The following BIRC6 variants were observed in gnomAD, a reference collection of about 807,000 sequenced individuals.
BIRC6 encodes the protein baculoviral IAP repeat containing 6.
A neutral mutation model predicts 503.3 loss-of-function variants in BIRC6; 98 were observed. The ratio of observed to expected loss-of-function variants is 0.19; its 90% CI spans 0.17 to 0.23. BIRC6 has a LOEUF of 0.23. BIRC6 is among the 10% of genes least tolerant of loss of function. The pLI, the probability that BIRC6 is intolerant of heterozygous loss-of-function variation, is 1.00. For missense variants in BIRC6, 5,360 were observed against 5,806.0 expected, an observed-to-expected ratio of 0.92 and a Z score of 2.50; for synonymous variants, 2,240 against 2,078.7, an observed-to-expected ratio of 1.08 and a Z score of -2.11.
At chr2:32,587,049 A>G (rs1443588099) in intron 66 of BIRC6, among the ~76,000 whole-genome samples, 1 of 152,218 alleles carries the variant, frequency 6.6e-6, no homozygotes, top group Non-Finnish European at 1.5e-5. Context: ...TAAAAATCAG[A>G]GCATGGAGCT....
chr2:32,362,367 G>A lies in BIRC6; in HGVS notation c.325+4881G>A, dbSNP rs147835774. ...GTCTCGCTCTGTCGCCCAGGCTGGA[G>A]TGCAGTGGTGTGATCTCGGCTCACT... is the stretch of plus-strand genomic sequence containing the variant. On this transcript the variant is annotated intron_variant, in intron 1 of 73. Coordinates refer to ENST00000421745, the MANE Select transcript of BIRC6 (RefSeq NM_016252.4). 9.3e-3 allele frequency among the ~76,000 whole-genome samples: 1,398 copies of A among 150,366 alleles called. 20 individuals carry two copies. The highest frequency in any genetic ancestry group is 0.032 in the African/African-American group (1,303 of 40,828).
intron 21 of BIRC6, among the ~76,000 whole-genome samples, chr2:32,447,468 C>T (rs1452295697): frequency 1.1e-3 from 142 of 126,620 alleles, no homozygotes; most frequent in African/African-American, 3.1e-3. Flanking sequence ...GGCGGCTGGC[C>T]GGGCGGGGGG....
At chr2:32,450,147 A>T (rs570882192) in intron 22 of BIRC6, among the ~76,000 whole-genome samples, 2 of 152,334 alleles carry the variant, frequency 1.3e-5, no homozygotes, top group African/African-American at 4.8e-5. Context: ...TCAAGTTTGC[A>T]AATGAGTAAA....
chr2:32,596,860 G>T (rs2061710444), intron 68 of BIRC6, among the ~76,000 whole-genome samples: 1 of 152,158 alleles, frequency 6.6e-6, no homozygotes, highest in African/African-American at 2.4e-5. Context: ...GTATATGAAT[G>T]TGTTTATGGA....
At chr2:32,527,364 A>G (rs1340762537) in intron 59 of BIRC6, 1 of 152,238 alleles carries the variant, frequency 6.6e-6, no homozygotes, top group Non-Finnish European at 1.5e-5. Flanking sequence ...TGTTTATGCC[A>G]TGTACTTTCC....
At chr2:32,358,895 T>G (rs2033618088) in intron 1 of BIRC6, among the ~76,000 whole-genome samples, 1 of 152,242 alleles carries the variant, frequency 6.6e-6, no homozygotes, top group African/African-American at 2.4e-5. Flanking sequence ...TTACTGCAAC[T>G]TGGACATAAT....
chr2:32,453,776 C>A (rs1297323935), intron 22 of BIRC6, 32 bp from the exon 23 acceptor site: 3 of 1,602,802 alleles, frequency 1.9e-6, no homozygotes, highest in Non-Finnish European at 2.6e-6. Flanking sequence ...AAATTATCTT[C>A]ACGTGTTATA....
intron 9 of BIRC6, among the ~76,000 whole-genome samples, chr2:32,414,044 C>T (rs1239673509): frequency 1.3e-5 from 2 of 152,094 alleles, no homozygotes; most frequent in Non-Finnish European, 2.9e-5. Flanking sequence ...GTAATCCCAG[C>T]ACTTTGAGAG....
At chr2:32,547,126 T>C (rs932510522) in intron 63 of BIRC6, among the ~76,000 whole-genome samples, 6 of 152,212 alleles carry the variant, frequency 3.9e-5, no homozygotes, top group Non-Finnish European at 7.3e-5. Context: ...AATTATAAAA[T>C]GTATATAAAC....
At chr2:32,516,865 A>G (rs2055107031) in intron 55 of BIRC6, among the ~76,000 whole-genome samples, 2 of 152,098 alleles carry the variant, frequency 1.3e-5, no homozygotes, top group Admixed American at 1.3e-4. Flanking sequence ...ACAGTTAAAT[A>G]TTTTAATTTG....
intron 57 of BIRC6, chr2:32,523,133 C>T (rs567544244): frequency 6.6e-6 from 1 of 152,148 alleles, no homozygotes; most frequent in South Asian, 2.1e-4. Context: ...TGAACCTGAT[C>T]CTTATAATTC....
chr2:32,490,242 T>C, intron 43 of BIRC6, 91 bp downstream of exon 43: 1 of 1,156,042 alleles, frequency 8.7e-7, no homozygotes. Context: ...CAAGGAGTGG[T>C]ATACTTGTCA....
At chr2:32,568,423 C>G (rs1420437820) in intron 65 of BIRC6, among the ~76,000 whole-genome samples, 3 of 143,318 alleles carry the variant, frequency 2.1e-5, no homozygotes, top group African/African-American at 7.7e-5. Context: ...GCCCAGGAGG[C>G]CAAGGCTACA....
chr2:32,439,448 A>G, intron 15 of BIRC6, 60 bp from the exon 16 acceptor site: 2 of 1,490,632 alleles, frequency 1.3e-6, no homozygotes, highest in Non-Finnish European at 1.8e-6. Context: ...TATGAAGATG[A>G]AAAACAGTGG....
chr2:32,430,083 A>T (rs1010464628), intron 11 of BIRC6, among the ~76,000 whole-genome samples: 27 of 152,214 alleles, frequency 1.8e-4, no homozygotes, highest in African/African-American at 5.8e-4. Context: ...AAGGGTCTAG[A>T]CTTTGAGAAA....
rs1393715535 is a variant in BIRC6, at chr2:32,491,653, A to G, written c.8340+95A>G. On this transcript the variant is annotated intron_variant, in intron 44 of 73. Coordinates refer to ENST00000421745, the MANE Select transcript of BIRC6 (RefSeq NM_016252.4). ...TAACTTTTTTATTGCTAAAGTATTA[A>G]ATAATAGCCTTTTATGTATCAATAT... 6 of 1,279,008 alleles carry G rather than the reference A, an allele frequency of 4.7e-6. No homozygotes were observed. The East Asian group carries it at 1.4e-4, about 30-fold the overall frequency. 79.2% of individuals were successfully genotyped at this position (1,279,008 alleles called of 1,614,324 possible). A position where few individuals can be genotyped will look rare whatever the true frequency, so the allele number is the denominator to read the frequency against.
At chr2:32,426,569 A>G (rs2043521076) in intron 10 of BIRC6, among the ~76,000 whole-genome samples, 1 of 152,252 alleles carries the variant, frequency 6.6e-6, no homozygotes, top group Admixed American at 6.5e-5. Context: ...ACACCATTGT[A>G]CTCCAGCCTG....
intron 65 of BIRC6, among the ~76,000 whole-genome samples, chr2:32,559,519 T>A (rs1000676113): frequency 9.2e-5 from 14 of 152,156 alleles, no homozygotes; most frequent in Non-Finnish European, 2.1e-4. Context: ...AATTCAAGAT[T>A]GAAGTAGTTT....
intron 4 of BIRC6, among the ~76,000 whole-genome samples, chr2:32,389,496 C>T (rs908458794): frequency 6.6e-6 from 1 of 151,796 alleles, no homozygotes; most frequent in Non-Finnish European, 1.5e-5. Flanking sequence ...CCATCATTTT[C>T]TTTGGTAGAG....
Sources: gnomAD v4.1 joint callset for allele counts (sites outside exome capture counted in the v4.1 genomes callset) on GRCh38, gnomAD v4.1.1 for gene constraint, MANE v1.5 for transcripts, NCBI Gene and HGNC (gene_info 2026-07-23, HGNC 2026-07-21) for gene names.